Variants in PPP2R5D observed in about 807,000 individuals in gnomAD.
PPP2R5D encodes the protein serine/threonine-protein phosphatase 2A 56 kDa regulatory subunit delta isoform.
In PPP2R5D, 12 loss-of-function variants were observed where a neutral mutation model predicts 79.1. The ratio of observed to expected loss-of-function variants is 0.15; its 90% CI spans 0.10 to 0.25. PPP2R5D has a LOEUF of 0.25. Ranked by LOEUF, PPP2R5D falls within the 10% of genes least tolerant of loss-of-function variation. The probability of loss-of-function intolerance (pLI) is 1.00; values close to 1 mark genes in which losing one functional copy is unlikely to be tolerated. For missense variants in PPP2R5D, 419 were observed against 760.2 expected, an observed-to-expected ratio of 0.55 and a Z score of 5.28; for synonymous variants, 277 against 286.6, an observed-to-expected ratio of 0.97 and a Z score of 0.34.
At chr6:42,994,937 A>C (rs1771536147) in intron 2 of PPP2R5D, among the ~76,000 whole-genome samples, 2 of 151,948 alleles carry the variant, frequency 1.3e-5, no homozygotes, top group African/African-American at 4.8e-5. Flanking sequence ...GTCCTCTCTG[A>C]GGCCAGAGTT....
chr6:42,988,866 C>T (rs1015434686), intron 1 of PPP2R5D, among the ~76,000 whole-genome samples: 4 of 152,240 alleles, frequency 2.6e-5, no homozygotes, highest in African/African-American at 9.6e-5. Context: ...TTTTCCCTAT[C>T]CTGTCCCTGT....
At chr6:42,988,399 T>C (rs1771009961) in intron 1 of PPP2R5D, among the ~76,000 whole-genome samples, 1 of 152,248 alleles carries the variant, frequency 6.6e-6, no homozygotes, top group South Asian at 2.1e-4. Context: ...TGGCCAGTTT[T>C]AGTGCAATTG....
Position 43,011,405 on chromosome 6 carries a change from A to G in PPP2R5D, c.*119A>G. 7.4e-7 allele frequency: 1 copy of G among 1,360,052 alleles called. No individual in the cohort carries two copies. The highest frequency in any genetic ancestry group is 1.0e-6 in the Non-Finnish European group (1 of 1,001,938). 84.2% of individuals were successfully genotyped at this position (1,360,052 alleles called of 1,614,324 possible). On this transcript the variant is annotated 3_prime_UTR_variant, in exon 16 of 16. Coordinates refer to ENST00000485511, the MANE Select transcript of PPP2R5D (RefSeq NM_006245.4). Reference sequence around the variant, plus strand: ...GAAGGCAGCGCCTCTCTAGCTACTCAAGGGAGGGGGATGTGGGCACTTGAA... The same window carrying G: ...GAAGGCAGCGCCTCTCTAGCTACTCGAGGGAGGGGGATGTGGGCACTTGAA...
chr6:42,993,330 C>T (rs1183911903), intron 2 of PPP2R5D, among the ~76,000 whole-genome samples: 12 of 147,832 alleles, frequency 8.1e-5, no homozygotes, highest in East Asian at 6.1e-4. Flanking sequence ...ATTAGCCGGG[C>T]GTAGTGGTGG....
chr6:43,003,107 T>C (rs1011715274), intron 2 of PPP2R5D, among the ~76,000 whole-genome samples: 5 of 152,164 alleles, frequency 3.3e-5, no homozygotes, highest in Non-Finnish European at 5.9e-5. Flanking sequence ...CACCTGTGTC[T>C]GGGAGCTATG....
In PPP2R5D at chr6:43,006,893, C is replaced by T; in HGVS notation, c.323-18C>T. ...TGAAGGACTACAGAGGAGAACCTGA[C>T]TGCTGGGGCCCCCACAGATTCGCCA... On this transcript the variant is annotated intron_variant, in intron 3 of 15. Transcript: ENST00000485511. This position sits in a 1 kb window ranked among gnomAD's most constrained non-coding sequence, Gnocchi z 4.7. 6.2e-7 allele frequency: 1 copy of T among 1,613,404 alleles called. No individual in the cohort carries two copies. The highest frequency in any genetic ancestry group is 8.5e-7 in the Non-Finnish European group (1 of 1,179,986).
chr6:43,011,329 G>A lies in PPP2R5D; in HGVS notation c.*43G>A, dbSNP rs778299723. ...ACAGGGCCACAGCCCACACAGCCCT[G>A]GGACACTGCCCTGGCCCTCCATACT... On this transcript the variant is annotated 3_prime_UTR_variant, in exon 16 of 16. Transcript: ENST00000485511. 1 of 1,611,366 alleles carries A rather than the reference G, an allele frequency of 6.2e-7. No homozygotes were observed. Among genetic ancestry groups the A allele is most frequent in the Non-Finnish European group, 8.5e-7 (1 of 1,179,246 alleles).
rs1762275670 is a variant in PPP2R5D at position 43,010,040 on chromosome 6, G to A, written c.1380-428G>A. Among the ~76,000 whole-genome samples, 1 of 152,038 alleles carries A rather than the reference G, an allele frequency of 6.6e-6. No homozygotes were observed. The highest frequency in any genetic ancestry group is 2.4e-5 in the African/African-American group (1 of 41,364). ...GCCGAGATCGTGCCACTGCACTCCA[G>A]CCTGGGCAACAGAGTGAGACTCCGT... is the stretch of plus-strand genomic sequence containing the variant. On this transcript the variant is annotated intron_variant, in intron 12 of 15. Coordinates refer to ENST00000485511, the MANE Select transcript of PPP2R5D (RefSeq NM_006245.4). The surrounding 1 kb of genome is among the most constrained non-coding windows in gnomAD (Gnocchi z 4.7).
chr6:43,000,156 G>A (rs566394566), intron 2 of PPP2R5D, among the ~76,000 whole-genome samples: 11 of 150,832 alleles, frequency 7.3e-5, no homozygotes, highest in South Asian at 6.3e-4. Flanking sequence ...GGCTGGTCTC[G>A]AACTCCTGAC....
rs1386611176 is a variant in PPP2R5D at position 43,010,015 on chromosome 6, G to A, written c.1380-453G>A. ...ACCTGGGAGGTGACGGTTGCAGTGA[G>A]CCGAGATCGTGCCACTGCACTCCAG... On this transcript the variant is annotated intron_variant, in intron 12 of 15. Transcript: ENST00000485511. This position sits in a 1 kb window ranked among gnomAD's most constrained non-coding sequence, Gnocchi z 4.7. Among the ~76,000 whole-genome samples, 8 of 152,138 alleles carry A rather than the reference G, an allele frequency of 5.3e-5. No homozygotes were observed. The highest frequency in any genetic ancestry group is 2.6e-4 in the Admixed American group (4 of 15,280).
At chr6:42,998,076 T>A (rs1771920956) in intron 2 of PPP2R5D, among the ~76,000 whole-genome samples, 1 of 65,854 alleles carries the variant, frequency 1.5e-5, no homozygotes, top group Non-Finnish European at 3.0e-5. Context: ...TTTTTTTTTT[T>A]TTTTTTTTTT....
chr6:43,011,643 GA>G lies in PPP2R5D; in HGVS notation c.*359del. On this transcript the variant is annotated 3_prime_UTR_variant, in exon 16 of 16. Coordinates refer to ENST00000485511, the MANE Select transcript of PPP2R5D (RefSeq NM_006245.4). The stretch of plus-strand genomic sequence containing the variant: ...TCTATTCTTCCCTTCATCCTCATTT[GA>G]ACGCCAGGTATCTCCCCTCCTCTCT... 3.8e-6 allele frequency: 1 copy of G among 262,570 alleles called. No homozygotes were observed. Among genetic ancestry groups the G allele is most frequent in the Non-Finnish European group, 7.4e-6 (1 of 135,440 alleles). The allele number at this position is 262,570 out of a possible 1,614,324, so 16.3% of individuals were successfully genotyped here.
At chr6:42,992,977 A>G (rs1771372933) in intron 2 of PPP2R5D, among the ~76,000 whole-genome samples, 1 of 152,022 alleles carries the variant, frequency 6.6e-6, no homozygotes, top group Non-Finnish European at 1.5e-5. Context: ...CGTGGCCAAC[A>G]TGGTAAAACA....
In PPP2R5D at chr6:42,989,663, A is replaced by C; in HGVS notation, c.80A>C (p.Asp27Ala). 1 of 1,613,980 alleles carries C rather than the reference A, an allele frequency of 6.2e-7. No homozygotes were observed. The highest frequency in any genetic ancestry group is 8.5e-7 in the Non-Finnish European group (1 of 1,179,922). Residue 27 changes from aspartate (D) to alanine (A), a missense_variant, in exon 2 of 16, where the codon GAT becomes GCT. This residue lies in a region of PPP2R5D where 110 missense variants were observed against 147.6 expected (regional missense o/e 0.75). Coordinates refer to ENST00000485511, the MANE Select transcript of PPP2R5D (RefSeq NM_006245.4). ...GCCAAGCCTAGCAGCTCGGGCAAGG[A>C]TGGTGGAGGCGAGAACACTGAGGAG... is the stretch of plus-strand genomic sequence containing the variant. ...CTAKPSSSGKDGGGENTEEAQ... is the reference protein window; with the variant it reads ...CTAKPSSSGKAGGGENTEEAQ...
rs147477265 is a variant in PPP2R5D at position 42,996,561 on chromosome 6, C to G, written c.105+6873C>G. Among the ~76,000 whole-genome samples, 33 of 152,248 alleles carry G rather than the reference C, an allele frequency of 2.2e-4. No homozygotes were observed. In the East Asian group the frequency reaches 3.9e-3, roughly 18 times the overall value. ...TTCAGGGATATCTTCCCTAATTCTT[C>G]CAAGCAGAGTTTACAGCTCAGCCTT... On this transcript the variant is annotated intron_variant, in intron 2 of 15. Coordinates refer to ENST00000485511, the MANE Select transcript of PPP2R5D (RefSeq NM_006245.4).
At chr6:42,990,175 C>T (rs1771158592) in intron 2 of PPP2R5D, among the ~76,000 whole-genome samples, 1 of 152,202 alleles carries the variant, frequency 6.6e-6, no homozygotes, top group African/African-American at 2.4e-5. Flanking sequence ...GAGTTCAGCG[C>T]AGCTTAGCAA....
intron 15 of PPP2R5D, 26 bp from the exon 16 acceptor site, chr6:43,011,123 C>T: frequency 6.2e-7 from 1 of 1,614,052 alleles, no homozygotes; most frequent in Non-Finnish European, 8.5e-7. Context: ...GTCACCATTC[C>T]TCACCTTGTC....
rs1762206466 is a variant in PPP2R5D, at chr6:43,008,570, G to C, written c.1026+95G>C. ...AGCTGGGATAGGGGAAGCATAGGGA[G>C]CAGGTGGGATAATTCCTTCCCTCCA... On this transcript the variant is annotated intron_variant, in intron 9 of 15. Transcript: ENST00000485511. This position sits in a 1 kb window ranked among gnomAD's most constrained non-coding sequence, Gnocchi z 4.2. 6.8e-7 allele frequency: 1 copy of C among 1,473,050 alleles called. No homozygotes were observed. Among genetic ancestry groups the C allele is most frequent in the African/African-American group, 1.4e-5 (1 of 71,796 alleles). 91.2% of individuals were successfully genotyped at this position (1,473,050 alleles called of 1,614,324 possible).
intron 15 of PPP2R5D, 66 bp from the exon 16 acceptor site, chr6:43,011,083 G>C: frequency 6.2e-7 from 1 of 1,611,542 alleles, no homozygotes; most frequent in Non-Finnish European, 8.5e-7. Context: ...AAGAATAAGG[G>C]GACGGAACAA....
Sources: gnomAD v4.1 joint callset for allele counts (sites outside exome capture counted in the v4.1 genomes callset) on GRCh38, gnomAD v4.1.1 for gene constraint, gnomAD v4.1.1 regional missense constraint, Gnocchi (gnomAD v3.1) non-coding constraint, MANE v1.5 for transcripts, NCBI Gene and HGNC (gene_info 2026-07-23, HGNC 2026-07-21) for gene names.